Variants in SNAPC4 observed in about 807,000 individuals in gnomAD.
SNAPC4 encodes snRNA-activating protein complex subunit 4.
A neutral mutation model predicts 151.3 loss-of-function variants in SNAPC4; 127 were observed. That is an observed-to-expected ratio of 0.84 (90% CI 0.73 to 0.97). SNAPC4 has a LOEUF of 0.97. Among genes scored for constraint, SNAPC4 ranks in the 50% least tolerant of loss-of-function variants. The pLI is 0.00. For missense variants in SNAPC4, 2,186 were observed against 1,935.0 expected (o/e 1.13, Z -2.43); for synonymous variants, 1,002 against 824.4 (o/e 1.22, Z -3.69).
At position 136,388,663 on chromosome 9, in the gene SNAPC4, C is replaced by T. The variant is rs1055709496; in HGVS notation, c.976-72G>A. ...ATGTCCAGATCTGGCTCTGAGTGCC[C>T]CAGGGCACAGGTGGGCCCATGAGCC... On this transcript the variant is annotated intron_variant, in intron 10 of 23. Transcript: ENST00000684778. 44 of 1,588,762 alleles carry T rather than the reference C, an allele frequency of 2.8e-5. No homozygotes were observed. The African/African-American group carries it at 5.5e-4, about 20-fold the overall frequency.
At chr9:136,385,138 A>T (rs1308607287) in intron 13 of SNAPC4, among the ~76,000 whole-genome samples, 1 of 152,246 alleles carries the variant, frequency 6.6e-6, no homozygotes, top group Non-Finnish European at 1.5e-5. Flanking sequence ...GGACTTCAAC[A>T]GACACTTCTC....
chr9:136,378,960 C>T lies in SNAPC4; in HGVS notation c.2867G>A (p.Gly956Glu). The T allele has an allele frequency of 6.2e-7, 1 of 1,609,032 alleles. No individual in the cohort carries two copies. The highest frequency in any genetic ancestry group is 2.2e-5 in the East Asian group (1 of 44,762). Residue 956 changes from glycine (G) to glutamate (E), a missense_variant, in exon 22 of 24, where the codon GGG (glycine) becomes GAG (glutamate). Physicochemically the swap from Gly to Glu is moderately conservative, Grantham distance 98 (BLOSUM62 -2). Transcript: ENST00000684778. ...TVLNVPLSGP[G>E]APAAAKPGTS... is the part of the protein sequence containing the mutation. ...GCCAGGTTTGGCTGCCGCGGGGGCC[C>T]CAGGCCCAGAGAGCGGTACATTTAA...
chr9:136,379,403 G>C, intron 21 of SNAPC4, 104 bp from the exon 22 acceptor site: 1 of 1,533,930 alleles, frequency 6.5e-7, no homozygotes, highest in Non-Finnish European at 8.8e-7. Context: ...GGGGAGCCTG[G>C]GGTCTTGAGC....
Position 136,383,206 on chromosome 9 carries a change from C to A in SNAPC4, c.1963G>T (p.Ala655Ser). ...CCTACCTCCAGGGCCTGCTTCTCTG[C>A]GCCCGCCGGGCGAGTGTCTGCTGAG... is the stretch of plus-strand genomic sequence containing the variant. Reference protein sequence around the residue: ...SHSADTRPAGAEKQALEGGRR... With the variant: ...SHSADTRPAGSEKQALEGGRR... Residue 655 changes from alanine (A) to serine (S), a missense_variant, in exon 16 of 24, where the codon GCA (alanine) becomes TCA (serine). By Grantham distance (99) the Ala-to-Ser change is moderately conservative. Transcript: ENST00000684778. The surrounding 1 kb of genome is among the most constrained non-coding windows in gnomAD (Gnocchi z 4.2). 1.3e-6 allele frequency: 2 copies of A among 1,546,330 alleles called. No homozygotes were observed. Among genetic ancestry groups the A allele is most frequent in the South Asian group, 2.5e-5 (2 of 81,138 alleles).
chr9:136,386,765 A>T (rs931064877), intron 13 of SNAPC4, among the ~76,000 whole-genome samples: 9 of 147,034 alleles, frequency 6.1e-5, no homozygotes, highest in Non-Finnish European at 1.2e-4. Flanking sequence ...ATTAATTAAT[A>T]TTTTTTTGAG....
intron 22 of SNAPC4, among the ~76,000 whole-genome samples, chr9:136,376,905 A>G (rs145574364): frequency 1.3e-5 from 2 of 152,154 alleles, no homozygotes; most frequent in African/African-American, 4.8e-5. Context: ...ACTCCCTATG[A>G]CAGGCCCACA....
intron 22 of SNAPC4, among the ~76,000 whole-genome samples, chr9:136,376,960 C>T (rs931224926): frequency 1.3e-5 from 2 of 152,204 alleles, no homozygotes; most frequent in Non-Finnish European, 2.9e-5. Context: ...TCAGGGAGGC[C>T]AGCCTCCCAG....
chr9:136,392,468 C>T (rs561017366), intron 9 of SNAPC4, 54 bp downstream of exon 9: 156 of 1,563,424 alleles, frequency 1.0e-4, no homozygotes, highest in Non-Finnish European at 1.3e-4. Flanking sequence ...TGCACCCGGG[C>T]TACAGGGAGC....
intron 14 of SNAPC4, among the ~76,000 whole-genome samples, chr9:136,384,303 C>T (rs985203830): frequency 2.6e-5 from 4 of 152,180 alleles, no homozygotes; most frequent in African/African-American, 7.2e-5. Context: ...TATCTGCTCC[C>T]CCCAGGCTTC....
intron 9 of SNAPC4, 148 bp from the exon 10 acceptor site, chr9:136,392,254 C>T (rs1053934296): frequency 2.4e-5 from 24 of 998,296 alleles, no homozygotes; most frequent in South Asian, 5.7e-5. Context: ...CTAGGCCTTG[C>T]ATAGCCAAAC....
rs1027997533 is a variant in SNAPC4 at position 136,383,113 on chromosome 9, T to C, written c.1983+73A>G. Reference sequence around the variant, plus strand: ...CCCTGGGGCCCCTGCTGCTGCACTATCCCCAAGCGTCAGCCCTGGCGAGCG... The same window carrying C: ...CCCTGGGGCCCCTGCTGCTGCACTACCCCCAAGCGTCAGCCCTGGCGAGCG... On this transcript the variant is annotated intron_variant, in intron 16 of 23. Transcript: ENST00000684778. This position sits in a 1 kb window ranked among gnomAD's most constrained non-coding sequence, Gnocchi z 4.2. 1.3e-6 allele frequency: 2 copies of C among 1,490,134 alleles called. No homozygotes were observed. The highest frequency in any genetic ancestry group is 1.8e-6 in the Non-Finnish European group (2 of 1,123,950). 92.3% of individuals were successfully genotyped at this position (1,490,134 alleles called of 1,614,324 possible).
chr9:136,382,162 C>G (rs979424411), intron 17 of SNAPC4, 89 bp from the exon 18 acceptor site: 3 of 1,579,422 alleles, frequency 1.9e-6, no homozygotes, highest in Non-Finnish European at 8.6e-7. Context: ...CCCTCCACCC[C>G]CATCAGGGCA....
chr9:136,390,856 A>G (rs1834048062), intron 10 of SNAPC4, among the ~76,000 whole-genome samples: 1 of 148,490 alleles, frequency 6.7e-6, no homozygotes, highest in South Asian at 2.1e-4. Context: ...TTTTTTTTTG[A>G]GACGGAGTCT....
Position 136,383,111 on chromosome 9 carries a change from T to G in SNAPC4, c.1983+75A>C. 6.7e-7 allele frequency: 1 copy of G among 1,487,606 alleles called. No homozygotes were observed. 92.2% of individuals were successfully genotyped at this position (1,487,606 alleles called of 1,614,324 possible). A position where few individuals can be genotyped will look rare whatever the true frequency, so the allele number is the denominator to read the frequency against. Reference sequence around the variant, plus strand: ...AACCCTGGGGCCCCTGCTGCTGCACTATCCCCAAGCGTCAGCCCTGGCGAG... The same window carrying G: ...AACCCTGGGGCCCCTGCTGCTGCACGATCCCCAAGCGTCAGCCCTGGCGAG... On this transcript the variant is annotated intron_variant, in intron 16 of 23. Coordinates refer to ENST00000684778, the MANE Select transcript of SNAPC4 (RefSeq NM_003086.4). This position sits in a 1 kb window ranked among gnomAD's most constrained non-coding sequence, Gnocchi z 4.2.
chr9:136,378,291 T>G lies in SNAPC4; in HGVS notation c.3536A>C (p.Gln1179Pro), dbSNP rs148802294. 3.1e-5 allele frequency: 49 copies of G among 1,604,660 alleles called. No homozygotes were observed. The African/African-American group carries it at 6.0e-4, about 20-fold the overall frequency. ...GGGCTCAGGTATCTCCCTGGCCACC[T>G]GGGCCTCTCCAGGGACAAAGGCCAC... ...GSVAFVPGEA[Q>P]VAREIPEPRT... The change falls in exon 22 of 24, where the codon CAG (glutamine) becomes CCG (proline). Residue 1179 changes from glutamine (Q) to proline (P), a missense_variant. Coordinates refer to ENST00000684778, the MANE Select transcript of SNAPC4 (RefSeq NM_003086.4).
intron 13 of SNAPC4, among the ~76,000 whole-genome samples, chr9:136,387,145 A>G (rs948730541): frequency 6.6e-6 from 1 of 152,264 alleles, no homozygotes; most frequent in African/African-American, 2.4e-5. Context: ...AGGGAGCTGC[A>G]GCTGTGTGCC....
intron 14 of SNAPC4, 27 bp from the exon 15 acceptor site, chr9:136,384,059 G>A (rs377200450): frequency 6.9e-6 from 11 of 1,595,772 alleles, no homozygotes; most frequent in African/African-American, 4.0e-5. Flanking sequence ...CCATGGAAAT[G>A]CCTTCATCCA....
rs1261824606 is a variant in SNAPC4 at position 136,387,743 on chromosome 9, G to T, written c.1229C>A (p.Ala410Asp). 1.9e-6 allele frequency: 3 copies of T among 1,594,018 alleles called. No individual in the cohort carries two copies. The highest frequency in any genetic ancestry group is 2.6e-6 in the Non-Finnish European group (3 of 1,161,670). ...KKGYWAPEED[A>D]KLLQAVAKYG... ...TCTCCTAGGGTCCCGCACACTTACAGCATCTTCCTCCGGGGCCCAGTAACC... is the reference window on the plus strand; with the variant it reads ...TCTCCTAGGGTCCCGCACACTTACATCATCTTCCTCCGGGGCCCAGTAACC... Residue 410 changes from alanine to aspartate, a missense_variant and splice_region_variant, in exon 12 of 24, where the codon GCT becomes GAT. By Grantham distance (126) the Ala-to-Asp change is moderately radical (BLOSUM62 -2). Transcript: ENST00000684778.
At chr9:136,381,148 C>A (rs977872427) in intron 19 of SNAPC4, among the ~76,000 whole-genome samples, 174 bp downstream of exon 19, 1 of 152,202 alleles carries the variant, frequency 6.6e-6, no homozygotes, top group Non-Finnish European at 1.5e-5. Flanking sequence ...ACACTGTAGC[C>A]GGCACCCCTT....
Sources: allele counts gnomAD v4.1 joint callset (sites outside exome capture counted in the v4.1 genomes callset), GRCh38; gene constraint gnomAD v4.1.1; non-coding constraint Gnocchi (gnomAD v3.1); transcripts MANE v1.5; gene names NCBI Gene and HGNC (gene_info 2026-07-23, HGNC 2026-07-21).